Variants in SHTN1 observed in about 807,000 individuals in gnomAD.
SHTN1 encodes the protein shootin 1.
In SHTN1, 42 loss-of-function variants were observed where a neutral mutation model predicts 83.1. The observed-to-expected ratio is 0.51, with a 90% CI of 0.39 to 0.65. The LOEUF is 0.65. SHTN1 is among the 30% of genes least tolerant of loss of function. The pLI, the probability that SHTN1 is intolerant of heterozygous loss-of-function variation, is 0.00. For missense variants in SHTN1, 622 were observed against 737.8 expected (o/e 0.84, Z 1.82); for synonymous variants, 224 against 247.7 (o/e 0.90, Z 0.90).
intron 1 of SHTN1, among the ~76,000 whole-genome samples, chr10:117,111,127 G>A (rs549986987): frequency 1.3e-5 from 2 of 151,860 alleles, no homozygotes; most frequent in South Asian, 4.2e-4. Flanking sequence ...GAACCTGGGA[G>A]GGGGAGGTTA....
At chr10:117,037,603 T>C (rs76364560) in intron 2 of SHTN1, among the ~76,000 whole-genome samples, 1 of 152,132 alleles carries the variant, frequency 6.6e-6, no homozygotes, top group South Asian at 2.1e-4. Flanking sequence ...CAATATCATA[T>C]TGAAGGATAA....
intron 2 of SHTN1, among the ~76,000 whole-genome samples, chr10:117,012,797 G>A (rs1004518649): frequency 2.6e-5 from 4 of 152,164 alleles, no homozygotes; most frequent in African/African-American, 9.7e-5. Flanking sequence ...TGCCATAGAT[G>A]AGGGAAAATA....
chr10:117,007,533 T>C, upstream of SHTN1, among the ~76,000 whole-genome samples: 1 of 120,142 alleles, frequency 8.3e-6, no homozygotes. Context: ...GCAGCCTGGG[T>C]GACAGAGTGA....
At chr10:117,012,289 A>G (rs1402452491) in intron 2 of SHTN1, among the ~76,000 whole-genome samples, 3 of 152,152 alleles carry the variant, frequency 2.0e-5, no homozygotes, top group African/African-American at 7.2e-5. Context: ...AACAAAACAA[A>G]ACAAAAACTA....
intron 13 of SHTN1, among the ~76,000 whole-genome samples, chr10:116,912,418 C>T (rs1293013779): frequency 1.3e-5 from 2 of 152,226 alleles, no homozygotes; most frequent in Non-Finnish European, 2.9e-5. Flanking sequence ...GTTAGCATGG[C>T]TGGCTGCCAG....
intron 1 of SHTN1, among the ~76,000 whole-genome samples, chr10:117,086,675 CATT>C (rs1853357431): frequency 6.6e-6 from 1 of 152,146 alleles, no homozygotes; most frequent in Admixed American, 6.5e-5. Context: ...AGGAGGCAGA[CATT>C]ATGGAAAAGG....
At chr10:116,922,951 A>G (rs1848615039) in intron 11 of SHTN1, among the ~76,000 whole-genome samples, 1 of 151,570 alleles carries the variant, frequency 6.6e-6, no homozygotes, top group African/African-American at 2.4e-5. Context: ...GGGCAACAAA[A>G]GCAAAACTCC....
chr10:117,088,096 T>A (rs1320612893), intron 1 of SHTN1, among the ~76,000 whole-genome samples: 1 of 152,344 alleles, frequency 6.6e-6, no homozygotes, highest in African/African-American at 2.4e-5. Context: ...AAAATATGAA[T>A]GTGCTCCAGT....
chr10:117,091,829 CT>C (rs1472386554), intron 1 of SHTN1, among the ~76,000 whole-genome samples: 1 of 152,178 alleles, frequency 6.6e-6, no homozygotes, highest in Non-Finnish European at 1.5e-5. Context: ...TCTAAGCCCT[CT>C]TCCTCCCACT....
At chr10:117,086,756 T>C (rs1853358108) in intron 1 of SHTN1, among the ~76,000 whole-genome samples, 2 of 152,160 alleles carry the variant, frequency 1.3e-5, no homozygotes, top group African/African-American at 4.8e-5. Context: ...CCTAGGTGTA[T>C]ACCCGAAAGA....
Position 117,033,526 on chromosome 10 carries a change from G to A in SHTN1, c.-123+14919C>T, listed in dbSNP as rs1443903023. Among the ~76,000 whole-genome samples the A allele has an allele frequency of 4.6e-5, 7 of 152,096 alleles. No individual in the cohort carries two copies. The South Asian group carries it at 1.0e-3, about 23-fold the overall frequency. The stretch of plus-strand genomic sequence containing the variant: ...AGACCAAATAACAAGTAACAAGATC[G>A]AAGCTATAATAAAAGGTCTCCCAGT... On this transcript the variant is annotated intron_variant, in intron 2 of 17. Coordinates refer to the SHTN1 transcript ENST00000392901.
chr10:116,953,911 G>C (rs1849880930), intron 5 of SHTN1, 131 bp downstream of exon 5: 2 of 729,492 alleles, frequency 2.7e-6, no homozygotes, highest in East Asian at 6.1e-5. Context: ...TTACAGGCGT[G>C]AGCCACCACG....
chr10:116,952,484 A>G (rs1209636797), intron 5 of SHTN1, among the ~76,000 whole-genome samples: 1 of 152,226 alleles, frequency 6.6e-6, no homozygotes, highest in Non-Finnish European at 1.5e-5. Context: ...GTCCTTAGAC[A>G]TTATTTGAAC....
intron 14 of SHTN1, 68 bp from the exon 15 acceptor site, chr10:116,906,815 A>T: frequency 7.8e-7 from 1 of 1,284,324 alleles, no homozygotes; most frequent in Non-Finnish European, 1.0e-6. Context: ...GAATATAAAA[A>T]TCAAACCATG....
At chr10:117,040,213 C>T (rs575231606) in intron 2 of SHTN1, among the ~76,000 whole-genome samples, 1 of 152,118 alleles carries the variant, frequency 6.6e-6, no homozygotes, top group South Asian at 2.1e-4. Context: ...ATACAAAGGA[C>T]TTAGGGTAGC....
intron 13 of SHTN1, among the ~76,000 whole-genome samples, chr10:116,914,068 G>C (rs932403732): frequency 1.3e-5 from 2 of 152,212 alleles, no homozygotes; most frequent in African/African-American, 4.8e-5. Flanking sequence ...TTTACTCTTG[G>C]AGTTGAGTAT....
intron 2 of SHTN1, among the ~76,000 whole-genome samples, chr10:117,036,324 T>C (rs965135839): frequency 6.6e-6 from 1 of 152,196 alleles, no homozygotes; most frequent in Non-Finnish European, 1.5e-5. Flanking sequence ...ATTAAAGACA[T>C]ATCTGCACTC....
intron 7 of SHTN1, among the ~76,000 whole-genome samples, chr10:116,947,402 A>G (rs1186635262): frequency 6.6e-6 from 1 of 152,130 alleles, no homozygotes; most frequent in Non-Finnish European, 1.5e-5. Flanking sequence ...CTTCAATCCT[A>G]ACTGACTTAA....
At chr10:116,929,654 T>G (rs1848878161) in intron 10 of SHTN1, among the ~76,000 whole-genome samples, 195 bp downstream of exon 10, 1 of 152,188 alleles carries the variant, frequency 6.6e-6, no homozygotes, top group Non-Finnish European at 1.5e-5. Flanking sequence ...AGTCTAAATA[T>G]TTTTGAATTA....
Sources: allele counts gnomAD v4.1 joint callset (sites outside exome capture counted in the v4.1 genomes callset), GRCh38; gene constraint gnomAD v4.1.1; transcripts MANE v1.5; gene names NCBI Gene and HGNC (gene_info 2026-07-23, HGNC 2026-07-21).